Variants in NLRP14 observed in about 807,000 individuals in gnomAD.
NLRP14 encodes NLR family pyrin domain containing 14.
In NLRP14, 105 loss-of-function variants were observed where a neutral mutation model predicts 94.7. The ratio of observed to expected loss-of-function variants is 1.11; its 90% CI spans 0.95 to 1.30. The LOEUF (loss-of-function observed/expected upper bound fraction) is 1.30. NLRP14 is among the 50% of genes most tolerant of loss of function. The pLI, the probability that NLRP14 is intolerant of heterozygous loss-of-function variation, is 0.00. For synonymous variants in NLRP14, 508 were observed against 459.9 expected, an observed-to-expected ratio of 1.10 and a Z score of -1.34; for missense variants, 1,362 against 1,254.1, an observed-to-expected ratio of 1.09 and a Z score of -1.30.
chr11:7,069,415 T>C (rs1394761103), intron 10 of NLRP14, among the ~76,000 whole-genome samples: 28 of 152,242 alleles, frequency 1.8e-4, no homozygotes. Flanking sequence ...AGGCTGAGTT[T>C]GACATACTTC....
chr11:7,042,273 A>G (rs558282626), intron 3 of NLRP14, 115 bp from the exon 4 acceptor site: 42 of 785,276 alleles, frequency 5.3e-5, no homozygotes, highest in Non-Finnish European at 7.4e-5. Context: ...ATTTCAGCCT[A>G]TGTTCTTTCT....
At chr11:7,067,355 G>A (rs1852720481) in intron 10 of NLRP14, among the ~76,000 whole-genome samples, 1 of 152,102 alleles carries the variant, frequency 6.6e-6, no homozygotes, top group Non-Finnish European at 1.5e-5. Context: ...TTTTCCATTT[G>A]TTTGTGTCCT....
the NLRP14 span, among the ~76,000 whole-genome samples, chr11:7,088,603 G>T: frequency 6.6e-6 from 1 of 152,002 alleles, no homozygotes; most frequent in Non-Finnish European, 1.5e-5. Flanking sequence ...AGTTTAAAAA[G>T]ATCAGTAAGG....
At chr11:7,023,394 T>C (rs1015073648) in intron 1 of NLRP14, among the ~76,000 whole-genome samples, 7 of 145,194 alleles carry the variant, frequency 4.8e-5, no homozygotes, top group Non-Finnish European at 9.2e-5. Flanking sequence ...GCTTGGAAAT[T>C]TTTTATATAA....
intron 1 of NLRP14, among the ~76,000 whole-genome samples, chr11:7,033,874 A>G (rs1391173401): frequency 6.6e-6 from 1 of 152,168 alleles, no homozygotes; most frequent in Non-Finnish European, 1.5e-5. Flanking sequence ...TCTTATGGCT[A>G]GACTAGGATG....
At chr11:7,072,702 C>A, downstream of NLRP14, among the ~76,000 whole-genome samples, 1 of 152,102 alleles carries the variant, frequency 6.6e-6, no homozygotes, top group East Asian at 1.9e-4. Flanking sequence ...TGGTTGAGCT[C>A]CCCCAGAGGA....
At chr11:7,078,743 G>A in the NLRP14 span, among the ~76,000 whole-genome samples, 26 of 152,058 alleles carry the variant, frequency 1.7e-4, no homozygotes, top group African/African-American at 5.8e-4. Context: ...AGCCAAGATC[G>A]CACCATTGCA....
chr11:7,042,110 A>C (rs1437479723), intron 3 of NLRP14, among the ~76,000 whole-genome samples: 3 of 152,010 alleles, frequency 2.0e-5, no homozygotes, highest in Non-Finnish European at 4.4e-5. Context: ...AGAAGAAAAA[A>C]TATTTCTAAA....
chr11:7,050,947 C>G lies in NLRP14; in HGVS notation c.2291+1109C>G, dbSNP rs566080734. Among the ~76,000 whole-genome samples, 32 of 152,224 alleles carry G rather than the reference C, an allele frequency of 2.1e-4. No individual in the cohort carries two copies. In the Middle Eastern group the frequency reaches 0.01, roughly 49 times the overall value. On this transcript the variant is annotated intron_variant, in intron 6 of 11. Coordinates refer to ENST00000299481, the MANE Select transcript of NLRP14 (RefSeq NM_176822.4). ...AATAAAATGTATTAGTAGCAAAAAG[C>G]TGTTAAATTGAGGAAAAGAGGAAAG...
intron 5 of NLRP14, among the ~76,000 whole-genome samples, chr11:7,048,739 G>A (rs1023084858): frequency 5.3e-5 from 8 of 152,118 alleles, no homozygotes; most frequent in South Asian, 2.1e-4. Context: ...TCATCAATCC[G>A]GATCTTCACA....
Position 7,043,318 on chromosome 11 carries a change from C to A in NLRP14, c.1292C>A (p.Ala431Asp). 6.2e-7 allele frequency: 1 copy of A among 1,614,168 alleles called. No homozygotes were observed. Among genetic ancestry groups the A allele is most frequent in the Non-Finnish European group, 8.5e-7 (1 of 1,180,024 alleles). The change falls in exon 4 of 12, where the codon GCT (alanine) becomes GAT (aspartate). Residue 431 changes from alanine to aspartate, a missense_variant. Transcript: ENST00000299481. ...QAQLRRLCQV[A>D]AKGIWTMTYV... is the part of the protein sequence containing the mutation. ...CAGCTGAGAAGACTGTGCCAAGTCG[C>A]TGCCAAAGGAATATGGACTATGACT...
At chr11:7,088,049 C>G in the NLRP14 span, among the ~76,000 whole-genome samples, 1 of 152,082 alleles carries the variant, frequency 6.6e-6, no homozygotes, top group Admixed American at 6.5e-5. Flanking sequence ...TAAGACAGTT[C>G]TAGTGTTTGG....
intron 3 of NLRP14, among the ~76,000 whole-genome samples, chr11:7,040,191 T>C (rs1455403071): frequency 1.3e-5 from 2 of 152,156 alleles, no homozygotes; most frequent in Non-Finnish European, 2.9e-5. Context: ...TAGAACCAGG[T>C]CTTCTCAGTC....
At position 7,042,877 on chromosome 11, in the gene NLRP14, C is replaced by T. The variant is rs192977225; in HGVS notation, c.851C>T (p.Pro284Leu). The change falls in exon 4 of 12, where the codon CCA (proline) becomes CTA (leucine). Residue 284 changes from proline (P) to leucine (L), a missense_variant. Physicochemically the swap from Pro to Leu is moderately conservative, Grantham distance 98 (BLOSUM62 -3). Coordinates refer to ENST00000299481, the MANE Select transcript of NLRP14 (RefSeq NM_176822.4). ...ALCEDWTQEH[P>L]VSFLMSSLLR... ...TGCGAAGACTGGACCCAAGAACACC[C>T]AGTGTCCTTCCTCATGAGTAGTTTG... 1.2e-5 allele frequency: 20 copies of T among 1,614,122 alleles called. No individual in the cohort carries two copies. The highest frequency in any genetic ancestry group is 1.0e-4 in the Admixed American group (6 of 60,020).
chr11:7,090,403 T>C, the NLRP14 span: 1 of 1,367,990 alleles, frequency 7.3e-7, no homozygotes, highest in East Asian at 2.5e-5. Flanking sequence ...GAAGAGTTGT[T>C]TTTACCTTTT....
rs562551072 is a variant in NLRP14, at chr11:7,032,922, A to G, written c.-21-5644A>G. 9.5e-4 allele frequency among the ~76,000 whole-genome samples: 144 copies of G among 152,360 alleles called. No homozygotes were observed. The Middle Eastern group carries it at 0.017, about 18-fold the overall frequency. On this transcript the variant is annotated intron_variant, in intron 1 of 11. Coordinates refer to ENST00000299481, the MANE Select transcript of NLRP14 (RefSeq NM_176822.4). ...ACTCATGTAAAACATCAGCAGGTCA[A>G]GGAATAGGACATTCGTTACCAGGAC...
intron 6 of NLRP14, 28 bp downstream of exon 6, chr11:7,049,866 T>C: frequency 6.2e-7 from 1 of 1,601,248 alleles, no homozygotes; most frequent in Non-Finnish European, 8.6e-7. Context: ...TTGTCTTGTT[T>C]TGTTTTTATA....
In NLRP14 at chr11:7,038,864, A is replaced by C; in HGVS notation, c.278A>C (p.Glu93Ala). The C allele has an allele frequency of 6.2e-7, 1 of 1,613,472 alleles. No individual in the cohort carries two copies. Among genetic ancestry groups the C allele is most frequent in the Non-Finnish European group, 8.5e-7 (1 of 1,179,920 alleles). ...NLKDLCERAKEEINWSAQTIG... is the reference protein window; with the variant it reads ...NLKDLCERAKAEINWSAQTIG... The stretch of plus-strand genomic sequence containing the variant: ...AAGGATCTGTGTGAGAGAGCGAAAG[A>C]AGAGATCAACTGTGAGTGATGCTAG... Residue 93 changes from glutamate (E) to alanine (A), a missense_variant, in exon 2 of 12, where the codon GAA becomes GCA. Physicochemically the swap from Glu to Ala is moderately radical, Grantham distance 107. Coordinates refer to ENST00000299481, the MANE Select transcript of NLRP14 (RefSeq NM_176822.4).
At chr11:7,084,544 A>G in the NLRP14 span, among the ~76,000 whole-genome samples, 3 of 152,130 alleles carry the variant, frequency 2.0e-5, no homozygotes, top group African/African-American at 7.2e-5. Flanking sequence ...CCTCCATAAC[A>G]ATCCCGAAAA....
Sources: gnomAD v4.1 joint callset for allele counts (sites outside exome capture counted in the v4.1 genomes callset) on GRCh38, gnomAD v4.1.1 for gene constraint, MANE v1.5 for transcripts, NCBI Gene and HGNC (gene_info 2026-07-23, HGNC 2026-07-21) for gene names.